Variants in HEXA observed in about 807,000 individuals in gnomAD.
The protein encoded by HEXA is hexosaminidase subunit alpha.
In HEXA, 54 loss-of-function variants were observed where a neutral mutation model predicts 73.3. That is an observed-to-expected ratio of 0.74 (90% CI 0.59 to 0.92). The LOEUF is 0.92. Among genes scored for constraint, HEXA ranks in the 40% least tolerant of loss-of-function variants. The probability of loss-of-function intolerance (pLI) is 0.00; values close to 1 mark genes in which losing one functional copy is unlikely to be tolerated. For synonymous variants in HEXA, 230 were observed against 246.9 expected (o/e 0.93, Z 0.64); for missense variants, 649 against 653.0 (o/e 0.99, Z 0.07).
Position 72,347,675 on chromosome 15 carries a change from C to T in HEXA, c.1146+11G>A, listed in dbSNP as rs1470851557. 10 of 1,613,052 alleles carry T rather than the reference C, an allele frequency of 6.2e-6. No individual in the cohort carries two copies. The South Asian group carries it at 1.1e-4, about 18-fold the overall frequency. On this transcript the variant is annotated intron_variant, in intron 10 of 13. Transcript: ENST00000268097. ...TGCTGGTGGCTTCTTCTCTTCTCTGCCCCGGCTCACCTTTACTTTATTATC... is the reference window on the plus strand; with the variant it reads ...TGCTGGTGGCTTCTTCTCTTCTCTGTCCCGGCTCACCTTTACTTTATTATC...
intron 11 of HEXA, 53 bp downstream of exon 11, chr15:72,346,474 C>T (rs1413713682): frequency 6.3e-6 from 10 of 1,585,492 alleles, no homozygotes; most frequent in Middle Eastern, 1.7e-4. Flanking sequence ...GCCTCCCATC[C>T]TGTGCCCCAA....
chr15:72,354,178 G>A (rs889289875), intron 3 of HEXA: 5 of 173,902 alleles, frequency 2.9e-5, no homozygotes, highest in Non-Finnish European at 6.1e-5. Context: ...TAAATTGTGA[G>A]AAAGTGATCA....
chr15:72,358,146 G>C (rs1262657765), intron 1 of HEXA: 1 of 152,222 alleles, frequency 6.6e-6, no homozygotes, highest in African/African-American at 2.4e-5. Context: ...ACTTAACCTA[G>C]GAGCAAGGGT....
intron 1 of HEXA, among the ~76,000 whole-genome samples, chr15:72,365,141 G>A (rs1193868788): frequency 1.3e-5 from 2 of 152,224 alleles, no homozygotes; most frequent in Non-Finnish European, 2.9e-5. Context: ...CCAGGCTGGA[G>A]TGCAATGGCG....
intron 1 of HEXA, chr15:72,370,017 T>C (rs763797679): frequency 1.3e-5 from 2 of 150,578 alleles, no homozygotes; most frequent in African/African-American, 4.9e-5. Context: ...CCCACTATTA[T>C]ACCCTCCCTT....
chr15:72,356,771 C>T (rs1299312087), intron 1 of HEXA, 154 bp from the exon 2 acceptor site: 4 of 1,095,234 alleles, frequency 3.7e-6, no homozygotes, highest in South Asian at 2.7e-5. Context: ...GCCTGATCAT[C>T]TGTTCAGCTG....
chr15:72,361,956 G>C (rs1304560238), intron 1 of HEXA, among the ~76,000 whole-genome samples: 2 of 152,150 alleles, frequency 1.3e-5, no homozygotes, highest in Admixed American at 1.3e-4. Flanking sequence ...TATCCTCAGA[G>C]ATATTAGAAT....
At chr15:72,365,679 ATGAGGTAAGGATTTATTTTTT>A (rs1368304329) in intron 1 of HEXA, among the ~76,000 whole-genome samples, 2 of 152,178 alleles carry the variant, frequency 1.3e-5, no homozygotes, top group African/African-American at 4.8e-5. Flanking sequence ...TGAGTTTGAT[ATGAGGTAAGGATTTATTTTTT>A]TCCCAATTGG....
rs1336871165 is a variant in HEXA at position 72,341,813 on chromosome 15, G to A, written c.*2264C>T. 1.3e-5 allele frequency: 2 copies of A among 152,186 alleles called. No individual in the cohort carries two copies. Among genetic ancestry groups the A allele is most frequent in the African/African-American group, 4.8e-5 (2 of 41,434 alleles). The allele number at this position is 152,186 out of a possible 1,614,324, so 9.4% of individuals were successfully genotyped here. ...ATGATCAGTGGACCAAAGGAGCAAC[G>A]GTGGAGGGTGAGGAACAGCACACTT... On this transcript the variant is annotated 3_prime_UTR_variant, in exon 14 of 14. Coordinates refer to ENST00000268097, the MANE Select transcript of HEXA (RefSeq NM_000520.6).
intron 1 of HEXA, among the ~76,000 whole-genome samples, chr15:72,368,769 T>C (rs571052467): frequency 1.3e-5 from 2 of 152,340 alleles, no homozygotes; most frequent in South Asian, 4.1e-4. Flanking sequence ...AAGAGGGACA[T>C]GGCCTTAGAA....
chr15:72,351,616 C>A, intron 5 of HEXA: 1 of 323,838 alleles, frequency 3.1e-6, no homozygotes, highest in African/African-American at 2.1e-5. Flanking sequence ...TGATGTTAAG[C>A]CCAACTGTGA....
chr15:72,365,522 T>C (rs2088905298), intron 1 of HEXA, among the ~76,000 whole-genome samples: 1 of 152,238 alleles, frequency 6.6e-6, no homozygotes, highest in Non-Finnish European at 1.5e-5. Flanking sequence ...GTCAAAGCTA[T>C]GACTCTTTTC....
At chr15:72,363,248 A>G (rs1380083497) in intron 1 of HEXA, among the ~76,000 whole-genome samples, 2 of 152,234 alleles carry the variant, frequency 1.3e-5, no homozygotes, top group African/African-American at 4.8e-5. Flanking sequence ...TTAAAAAGAA[A>G]AACAAACCCT....
At chr15:72,353,510 T>G (rs963756350) in intron 4 of HEXA, among the ~76,000 whole-genome samples, 181 bp downstream of exon 4, 2 of 152,210 alleles carry the variant, frequency 1.3e-5, no homozygotes, top group Non-Finnish European at 2.9e-5. Flanking sequence ...CAAATTACAG[T>G]GATTCCAAAC....
chr15:72,355,524 TTCTC>T, intron 3 of HEXA, 31 bp downstream of exon 3: 1 of 1,468,492 alleles, frequency 6.8e-7, no homozygotes, highest in South Asian at 1.1e-5. Context: ...ACATCATCCT[TTCTC>T]TCTCTCTTTT....
chr15:72,375,864 A>T lies in HEXA; in HGVS notation c.109T>A (p.Tyr37Asn), dbSNP rs759157781. 3.1e-6 allele frequency: 5 copies of T among 1,614,254 alleles called. No individual in the cohort carries two copies. The South Asian group carries it at 5.5e-5, about 18-fold the overall frequency. Residue 37 changes from tyrosine to asparagine, a missense_variant, in exon 1 of 14, where the codon TAC (tyrosine) becomes AAC (asparagine). Transcript: ENST00000268097. ...TGAAAGTTGTTCGGGTAAAGGACGT[A>T]GCGCTGGTCGGAGGTTTGGAAGTTC... The part of the protein sequence containing the change: ...PQNFQTSDQR[Y>N]VLYPNNFQFQ...
intron 1 of HEXA, chr15:72,362,381 T>C: frequency 4.4e-6 from 2 of 451,014 alleles, no homozygotes; most frequent in Non-Finnish European, 8.9e-6. Flanking sequence ...CTCACCTAGG[T>C]TGTGAGTTCC....
At chr15:72,374,008 C>CTA (rs1555475231) in intron 1 of HEXA, among the ~76,000 whole-genome samples, 3 of 68,220 alleles carry the variant, frequency 4.4e-5, no homozygotes, top group Admixed American at 1.6e-4. Context: ...GACTCCGTCT[C>CTA]AAAAAAAAAA....
Position 72,353,091 on chromosome 15 carries a change from G to GT in HEXA, c.546dup (p.Leu183ThrfsTer3), listed in dbSNP as rs1595801740. On this transcript the variant is annotated frameshift_variant, in exon 5 of 14. Transcript: ENST00000268097. LOFTEE classifies it high-confidence loss of function. ...ACCAGAGTGTCCAGGATGCTAGAGAGTGGCAGGTAATGGCGAGATGTATCC... is the reference window on the plus strand; with the variant it reads ...ACCAGAGTGTCCAGGATGCTAGAGAGTTGGCAGGTAATGGCGAGATGTATCC... 1 of 1,611,798 alleles carries GT rather than the reference G, an allele frequency of 6.2e-7. No individual in the cohort carries two copies. The highest frequency in any genetic ancestry group is 2.2e-5 in the East Asian group (1 of 44,882).
Sources: gnomAD v4.1 joint callset for allele counts (sites outside exome capture counted in the v4.1 genomes callset) on GRCh38, gnomAD v4.1.1 for gene constraint, MANE v1.5 for transcripts, NCBI Gene and HGNC (gene_info 2026-07-23, HGNC 2026-07-21) for gene names.